The following SPON1 variants were observed in gnomAD, a reference collection of about 807,000 sequenced individuals.
The protein encoded by SPON1 is spondin-1.
In SPON1, 52 loss-of-function variants were observed where a neutral mutation model predicts 111.7. The observed-to-expected ratio is 0.47, with a 90% CI of 0.37 to 0.59. The LOEUF (loss-of-function observed/expected upper bound fraction) is 0.59, where lower values mean the gene tolerates loss of function less well. Among genes scored for constraint, SPON1 ranks in the 20% least tolerant of loss-of-function variants. The pLI is 0.00. For missense variants in SPON1, 957 were observed against 1,068.5 expected (o/e 0.90, Z 1.46); for synonymous variants, 410 against 395.8 (o/e 1.04, Z -0.43).
At chr11:14,143,252 G>A (rs1167542867) in intron 6 of SPON1, among the ~76,000 whole-genome samples, 1 of 152,176 alleles carries the variant, frequency 6.6e-6, no homozygotes, top group Non-Finnish European at 1.5e-5. Flanking sequence ...TGTGGGCAGG[G>A]CAGTTTATAC....
chr11:13,992,413 G>A (rs1439533369), intron 2 of SPON1, among the ~76,000 whole-genome samples: 7 of 152,144 alleles, frequency 4.6e-5, no homozygotes, highest in Non-Finnish European at 7.3e-5. Flanking sequence ...CCTCCACCAA[G>A]CTCGAGCGTC....
At position 14,262,916 on chromosome 11, in the gene SPON1, C is replaced by T; in HGVS notation, c.2201C>T (p.Ala734Val). The stretch of plus-strand genomic sequence containing the variant: ...ATCCAAAAGCTACGCTGGAGGGAGG[C>T]CCGAGAGAGCCGGCGGAGTGAGCAG... ...PSIQKLRWRE[A>V]RESRRSEQLK... Residue 734 changes from alanine (A) to valine (V), a missense_variant, in exon 15 of 16, where the codon GCC (alanine) becomes GTC (valine). Physicochemically the swap from Ala to Val is moderately conservative, Grantham distance 64 (BLOSUM62 0). Transcript: ENST00000576479. 2 of 1,613,774 alleles carry T rather than the reference C, an allele frequency of 1.2e-6. No homozygotes were observed. Among genetic ancestry groups the T allele is most frequent in the Admixed American group, 1.7e-5 (1 of 60,010 alleles).
chr11:14,261,469 C>T (rs1427907562), intron 14 of SPON1, among the ~76,000 whole-genome samples: 1 of 152,200 alleles, frequency 6.6e-6, no homozygotes, highest in Non-Finnish European at 1.5e-5. Context: ...ACCTCTGTTC[C>T]TCAGTTTCTC....
intron 5 of SPON1, among the ~76,000 whole-genome samples, chr11:14,113,826 G>A (rs1310149510): frequency 1.3e-5 from 2 of 151,398 alleles, no homozygotes; most frequent in Admixed American, 6.6e-5. Flanking sequence ...GGATGGTCTC[G>A]ATCTCCTGAC....
chr11:14,012,141 A>G (rs73420254), intron 2 of SPON1, among the ~76,000 whole-genome samples: 3,813 of 152,240 alleles, frequency 0.025, 153 homozygotes, highest in African/African-American at 0.086. Flanking sequence ...TTGACACTTT[A>G]TCTCCTCTTT....
rs534864874 is a variant in SPON1 at position 13,990,129 on chromosome 11, T to A, written c.345+7176T>A. 2.0e-5 allele frequency among the ~76,000 whole-genome samples: 3 copies of A among 152,276 alleles called. No individual in the cohort carries two copies. The East Asian group carries it at 5.8e-4, about 29-fold the overall frequency. On this transcript the variant is annotated intron_variant, in intron 2 of 15. Transcript: ENST00000576479. ...TAATTTTCTATCTCATTGATCTGTC[T>A]AATATTGGCAGTGGGGTGTTAAAGT... is the stretch of plus-strand genomic sequence containing the variant.
chr11:14,209,508 G>A (rs920168456), intron 6 of SPON1, among the ~76,000 whole-genome samples: 2 of 152,032 alleles, frequency 1.3e-5, no homozygotes, highest in Admixed American at 6.6e-5. Context: ...GAGAACATAC[G>A]GTCTTTGGTT....
chr11:14,168,411 G>A (rs1342085823), intron 6 of SPON1, among the ~76,000 whole-genome samples: 1 of 152,074 alleles, frequency 6.6e-6, no homozygotes, highest in Non-Finnish European at 1.5e-5. Context: ...CTTTTTCTAA[G>A]CCAATTAATC....
chr11:14,244,306 T>C (rs1848963507), intron 7 of SPON1, among the ~76,000 whole-genome samples: 1 of 152,026 alleles, frequency 6.6e-6, no homozygotes, highest in South Asian at 2.1e-4. Context: ...GATCACGAGG[T>C]CAGGAGATCG....
At position 14,192,243 on chromosome 11, in the gene SPON1, A is replaced by G. The variant is rs565688401; in HGVS notation, c.826-51089A>G. Among the ~76,000 whole-genome samples the G allele has an allele frequency of 2.9e-3, 173 of 59,092 alleles. 1 individual carries two copies. The South Asian group carries it at 0.038, about 13-fold the overall frequency. 38.8% of individuals were successfully genotyped at this position (59,092 alleles called of 152,430 possible). The stretch of plus-strand genomic sequence containing the variant: ...TATGGCTAAAAGACAAGGTATCATT[A>G]GGGATATATATATATATATATATAT... On this transcript the variant is annotated intron_variant, in intron 6 of 15. Coordinates refer to ENST00000576479, the MANE Select transcript of SPON1 (RefSeq NM_006108.4).
intron 5 of SPON1, among the ~76,000 whole-genome samples, chr11:14,115,380 C>T (rs536794007): frequency 2.4e-4 from 36 of 152,338 alleles, no homozygotes; most frequent in South Asian, 1.2e-3. Context: ...CAGCACAAAA[C>T]TCTTAAAATG....
intron 5 of SPON1, among the ~76,000 whole-genome samples, chr11:14,127,228 G>T (rs1404420644): frequency 6.7e-6 from 1 of 150,238 alleles, no homozygotes; most frequent in Non-Finnish European, 1.5e-5. Context: ...AACTGAGATT[G>T]AGAGTGACTA....
chr11:14,243,814 C>T (rs1554939970), intron 7 of SPON1, among the ~76,000 whole-genome samples: 1 of 152,196 alleles, frequency 6.6e-6, no homozygotes, highest in Non-Finnish European at 1.5e-5. Context: ...TTTCTGTCTC[C>T]TCTATCCCAG....
At chr11:13,979,421 T>A (rs1264862023) in intron 1 of SPON1, among the ~76,000 whole-genome samples, 1 of 152,130 alleles carries the variant, frequency 6.6e-6, no homozygotes, top group African/African-American at 2.4e-5. Flanking sequence ...CTTCAACATA[T>A]CTTAAACCGT....
At chr11:14,123,090 C>T (rs1554926681) in intron 5 of SPON1, among the ~76,000 whole-genome samples, 1 of 151,908 alleles carries the variant, frequency 6.6e-6, no homozygotes, top group African/African-American at 2.4e-5. Flanking sequence ...ACCACCATGC[C>T]CAGCTAGTTT....
intron 6 of SPON1, among the ~76,000 whole-genome samples, chr11:14,141,515 G>A (rs1277374196): frequency 6.6e-6 from 1 of 152,174 alleles, no homozygotes; most frequent in Non-Finnish European, 1.5e-5. Flanking sequence ...GTCAGATAAT[G>A]GTGGACCCTA....
intron 2 of SPON1, among the ~76,000 whole-genome samples, chr11:13,994,950 A>C (rs1848260093): frequency 6.6e-6 from 1 of 152,240 alleles, no homozygotes; most frequent in Non-Finnish European, 1.5e-5. Context: ...TGAATATTGA[A>C]ATATAAAATA....
chr11:14,022,764 T>C (rs1288955246), intron 2 of SPON1, among the ~76,000 whole-genome samples: 1 of 152,228 alleles, frequency 6.6e-6, no homozygotes, highest in Non-Finnish European at 1.5e-5. Context: ...AACCTTTTCA[T>C]AGGGAAGAGA....
intron 5 of SPON1, among the ~76,000 whole-genome samples, chr11:14,116,186 A>G (rs1849265499): frequency 6.6e-6 from 1 of 152,094 alleles, no homozygotes; most frequent in African/African-American, 2.4e-5. Context: ...CTCCCATTCT[A>G]TGGCTTGCCT....
Sources: allele counts gnomAD v4.1 joint callset (sites outside exome capture counted in the v4.1 genomes callset), GRCh38; gene constraint gnomAD v4.1.1; transcripts MANE v1.5; gene names NCBI Gene and HGNC (gene_info 2026-07-23, HGNC 2026-07-21).